Variants in ARFIP1 observed in about 807,000 individuals in gnomAD.
The protein encoded by ARFIP1 is ARF interacting protein 1.
In ARFIP1, 24 loss-of-function variants were observed where a neutral mutation model predicts 42.5. The ratio of observed to expected loss-of-function variants is 0.57; its 90% CI spans 0.41 to 0.80. The LOEUF (loss-of-function observed/expected upper bound fraction) is 0.80. Among genes scored for constraint, ARFIP1 ranks in the 30% least tolerant of loss-of-function variants. The probability of loss-of-function intolerance (pLI) is 0.00; values close to 1 mark genes in which losing one functional copy is unlikely to be tolerated. For missense variants in ARFIP1, 354 were observed against 434.0 expected (o/e 0.82, Z 1.64); for synonymous variants, 141 against 153.7 (o/e 0.92, Z 0.61).
chr4:152,902,337 A>G (rs776725786), intron 8 of ARFIP1, among the ~76,000 whole-genome samples: 1 of 152,178 alleles, frequency 6.6e-6, no homozygotes, highest in Admixed American at 6.5e-5. Context: ...CCCGGTCTCT[A>G]CGGAAAATAA....
At position 152,889,512 on chromosome 4, in the gene ARFIP1, TATATATATATATATATATATATAC is replaced by T. The variant is rs1207060584; in HGVS notation, c.966+1207_966+1230del. Reference sequence around the variant, plus strand: ...TTCATTTTAGTCATATATATATATATATATATATATATATATATATATACACCTATTTTTGTGTGTGTGTGTATA... The same window carrying T: ...TTCATTTTAGTCATATATATATATATACCTATTTTTGTGTGTGTGTGTATA... On this transcript the variant is annotated intron_variant, in intron 8 of 8. Transcript: ENST00000353617. 3.3e-4 allele frequency among the ~76,000 whole-genome samples: 24 copies of T among 72,712 alleles called. 1 individual carries two copies. Among genetic ancestry groups the T allele is most frequent in the Middle Eastern group, 6.2e-3 (1 of 162 alleles). The allele number at this position is 72,712 out of a possible 152,430, so 47.7% of individuals were successfully genotyped here.
chr4:152,810,118 A>G (rs1729330844), intron 1 of ARFIP1: 1 of 152,226 alleles, frequency 6.6e-6, no homozygotes, highest in Non-Finnish European at 1.5e-5. Context: ...ATCTCCAAAA[A>G]AGTAACATCA....
intron 2 of ARFIP1, among the ~76,000 whole-genome samples, chr4:152,836,863 T>A (rs1271505703): frequency 6.6e-6 from 1 of 152,126 alleles, no homozygotes; most frequent in African/African-American, 2.4e-5. Flanking sequence ...TTAGTGGTGA[T>A]TTGTTAGATT....
chr4:152,836,517 T>C (rs1279608859), intron 2 of ARFIP1, among the ~76,000 whole-genome samples: 1 of 152,194 alleles, frequency 6.6e-6, no homozygotes, highest in East Asian at 1.9e-4. Flanking sequence ...GTTTCTGGTA[T>C]CTCTTTTCTT....
At chr4:152,790,882 G>A (rs573381672) in intron 1 of ARFIP1, among the ~76,000 whole-genome samples, 1 of 151,590 alleles carries the variant, frequency 6.6e-6, no homozygotes, top group South Asian at 2.1e-4. Context: ...CCAGGTGCGT[G>A]CCACCATGCC....
intron 2 of ARFIP1, among the ~76,000 whole-genome samples, chr4:152,836,541 G>A (rs574125096): frequency 2.0e-5 from 3 of 151,732 alleles, no homozygotes; most frequent in African/African-American, 7.3e-5. Flanking sequence ...TCTTTTTTTG[G>A]TCTGACCTTG....
chr4:152,855,597 C>G (rs888238884), intron 2 of ARFIP1, among the ~76,000 whole-genome samples: 2 of 152,216 alleles, frequency 1.3e-5, no homozygotes, highest in African/African-American at 4.8e-5. Context: ...TCTTGTTTTT[C>G]AGGACAGTGT....
intron 2 of ARFIP1, among the ~76,000 whole-genome samples, chr4:152,841,953 G>A (rs999562997): frequency 6.6e-6 from 1 of 152,142 alleles, no homozygotes; most frequent in African/African-American, 2.4e-5. Flanking sequence ...AGTTAGAGCG[G>A]TCGTCAGCCA....
At position 152,897,329 on chromosome 4, in the gene ARFIP1, TA is replaced by T. The variant is rs1737425006; in HGVS notation, c.966+9023del. ...ACCAATTCATATAGTTTTTTTTTTT[TA>T]CCAGTTATGCTAAGATTCCGGCATG... On this transcript the variant is annotated intron_variant, in intron 8 of 8. Coordinates refer to ENST00000353617, the MANE Select transcript of ARFIP1 (RefSeq NM_001025595.3). 2.0e-5 allele frequency among the ~76,000 whole-genome samples: 3 copies of T among 152,084 alleles called. No homozygotes were observed. The South Asian group carries it at 6.2e-4, about 32-fold the overall frequency.
intron 2 of ARFIP1, chr4:152,850,788 T>C (rs147788338): frequency 1.3e-5 from 2 of 152,298 alleles, no homozygotes; most frequent in African/African-American, 4.8e-5. Context: ...GACCCTGCCT[T>C]CTAACAATAG....
chr4:152,826,382 G>C (rs1301513379), intron 1 of ARFIP1, among the ~76,000 whole-genome samples: 2 of 152,170 alleles, frequency 1.3e-5, no homozygotes, highest in Non-Finnish European at 2.9e-5. Flanking sequence ...CAAAAAACCA[G>C]ATACCACATG....
intron 1 of ARFIP1, among the ~76,000 whole-genome samples, chr4:152,813,371 G>T (rs1480948299): frequency 6.6e-6 from 1 of 152,062 alleles, no homozygotes; most frequent in East Asian, 1.9e-4. Flanking sequence ...AAATTGATCA[G>T]ACTCCTCTTG....
At chr4:152,824,267 C>G (rs1234175756) in intron 1 of ARFIP1, among the ~76,000 whole-genome samples, 4 of 150,812 alleles carry the variant, frequency 2.7e-5, no homozygotes, top group Non-Finnish European at 5.9e-5. Context: ...GAGCCTTGAT[C>G]ATGCCACTGC....
intron 1 of ARFIP1, among the ~76,000 whole-genome samples, chr4:152,802,750 A>G (rs1319280970): frequency 6.6e-6 from 1 of 152,188 alleles, no homozygotes; most frequent in Non-Finnish European, 1.5e-5. Context: ...TTTACTATGA[A>G]TAATGTAATG....
At chr4:152,851,573 A>G (rs1412779899) in intron 2 of ARFIP1, among the ~76,000 whole-genome samples, 2 of 152,178 alleles carry the variant, frequency 1.3e-5, no homozygotes, top group Non-Finnish European at 2.9e-5. Context: ...CTAAAAGGCA[A>G]TGGAGAGCCA....
intron 1 of ARFIP1, among the ~76,000 whole-genome samples, chr4:152,801,052 A>G (rs1347224316): frequency 6.6e-6 from 1 of 152,150 alleles, no homozygotes. Flanking sequence ...AACAGGTCAG[A>G]CCATAGGAAG....
intron 1 of ARFIP1, among the ~76,000 whole-genome samples, chr4:152,780,557 G>A (rs530968891): frequency 2.4e-4 from 36 of 152,284 alleles, no homozygotes; most frequent in African/African-American, 8.4e-4. Flanking sequence ...GTGTCGGAGT[G>A]GGCCACCTTC....
At chr4:152,825,128 G>A (rs1008495361) in intron 1 of ARFIP1, among the ~76,000 whole-genome samples, 2 of 151,742 alleles carry the variant, frequency 1.3e-5, no homozygotes, top group Admixed American at 6.6e-5. Context: ...TTCTGAAAAC[G>A]ACCATACTGC....
intron 8 of ARFIP1, among the ~76,000 whole-genome samples, chr4:152,903,367 A>G (rs1487264846): frequency 6.6e-6 from 1 of 152,252 alleles, no homozygotes; most frequent in Non-Finnish European, 1.5e-5. Flanking sequence ...TACTAATAGA[A>G]AAGTGAGATA....
Sources: gnomAD v4.1 joint callset for allele counts (sites outside exome capture counted in the v4.1 genomes callset) on GRCh38, gnomAD v4.1.1 for gene constraint, MANE v1.5 for transcripts, NCBI Gene and HGNC (gene_info 2026-07-23, HGNC 2026-07-21) for gene names.